The following ZP3 variants were observed in gnomAD, a reference collection of about 807,000 sequenced individuals.
The protein encoded by ZP3 is zona pellucida sperm-binding protein 3.
ZP3 carries 21 observed loss-of-function variants against 35.6 expected under a neutral mutation model. The observed-to-expected ratio is 0.59, with a 90% CI of 0.42 to 0.85. The LOEUF is 0.85. Among genes scored for constraint, ZP3 ranks in the 40% least tolerant of loss-of-function variants. ZP3 has a pLI of 0.00. For missense variants in ZP3, 437 were observed against 536.5 expected, an observed-to-expected ratio of 0.81 and a Z score of 1.83; for synonymous variants, 207 against 214.5, an observed-to-expected ratio of 0.96 and a Z score of 0.31.
chr7:76,441,149 C>A (rs1353158487), intron 7 of ZP3, among the ~76,000 whole-genome samples: 6 of 150,778 alleles, frequency 4.0e-5, no homozygotes, highest in Non-Finnish European at 8.9e-5. Context: ...CCAGCCTGGG[C>A]AACAAGAGTA....
In ZP3 at chr7:76,441,797, G is replaced by A. The variant is rs748825558; in HGVS notation, c.1061-45G>A. On this transcript the variant is annotated intron_variant, in intron 7 of 7. Coordinates refer to ENST00000394857, the MANE Select transcript of ZP3 (RefSeq NM_001110354.2). ...AATAAAACCTCCAACCCAGTTCCCGGTTAGGGACTAAGATAACCCTTGGTT... is the reference window on the plus strand; with the variant it reads ...AATAAAACCTCCAACCCAGTTCCCGATTAGGGACTAAGATAACCCTTGGTT... The A allele has an allele frequency of 2.0e-5, 32 of 1,613,782 alleles. 1 individual carries two copies. The Middle Eastern group carries it at 5.0e-4, about 25-fold the overall frequency.
chr7:76,435,501 G>C (rs543945072), intron 5 of ZP3, among the ~76,000 whole-genome samples: 1 of 152,248 alleles, frequency 6.6e-6, no homozygotes, highest in Non-Finnish European at 1.5e-5. Flanking sequence ...GTGAGGCGGT[G>C]AGCTTAGAAT....
At position 76,400,363 on chromosome 7, in the gene ZP3, G is replaced by A. The variant is rs144685336; in HGVS notation, c.-67+2566G>A. 56 of 1,582,362 alleles carry A rather than the reference G, an allele frequency of 3.5e-5. No homozygotes were observed. In the Admixed American group the frequency reaches 6.6e-4, roughly 19 times the overall value. On this transcript the variant is annotated intron_variant, in intron 1 of 8. Coordinates refer to the ZP3 transcript ENST00000336517. ...GCCGCGGCTGCCGCACTCGCTCAGC[G>A]CAGCTTCCTGCCCGCGGCACTCCAC...
chr7:76,407,244 A>G (rs1805065647), intron 1 of ZP3, among the ~76,000 whole-genome samples: 1 of 152,176 alleles, frequency 6.6e-6, no homozygotes, highest in Non-Finnish European at 1.5e-5. Context: ...TACAGGTGTG[A>G]GCCACCAGGC....
At chr7:76,397,759 C>G in exon 1 of ZP3, 1 of 1,613,032 alleles carries the variant, frequency 6.2e-7, no homozygotes, top group South Asian at 1.1e-5. Flanking sequence ...CGGTGCCCCA[C>G]AGGCCACTGT....
At position 76,442,028 on chromosome 7, in the gene ZP3, C is replaced by G. The variant is rs1806214347; in HGVS notation, c.1247C>G (p.Ala416Gly). 1.1e-6 allele frequency: 1 copy of G among 877,942 alleles called. No individual in the cohort carries two copies. Among genetic ancestry groups the G allele is most frequent in the South Asian group, 1.5e-5 (1 of 68,438 alleles). The allele number at this position is 877,942 out of a possible 1,614,324, so 54.4% of individuals were successfully genotyped here. A position where few individuals can be genotyped will look rare whatever the true frequency, so the allele number is the denominator to read the frequency against. The change falls in exon 8 of 8, where the codon GCC becomes GGC. Residue 416 changes from alanine to glycine, a missense_variant. Physicochemically the swap from Ala to Gly is moderately conservative, Grantham distance 60 (BLOSUM62 0). Around this residue, in one of 6 missense-constraint regions of ZP3, gnomAD observed 7 missense variants for 49.7 expected, o/e 0.14. Transcript: ENST00000394857. ...ILVLTRRCRT[A>G]SHPVSASE Reference sequence around the variant, plus strand: ...GTTCTCACCAGGAGGTGTCGCACTGCCTCCCACCCTGTGTCTGCTTCCGAA... The same window carrying G: ...GTTCTCACCAGGAGGTGTCGCACTGGCTCCCACCCTGTGTCTGCTTCCGAA...
intron 2 of ZP3, among the ~76,000 whole-genome samples, chr7:76,432,470 C>A (rs1170831052): frequency 1.3e-5 from 2 of 152,090 alleles, no homozygotes; most frequent in South Asian, 4.1e-4. Context: ...AGGCTTGAGC[C>A]ACCGTGCCTG....
upstream of ZP3, among the ~76,000 whole-genome samples, chr7:76,423,614 G>GA (rs1390098927): frequency 6.6e-6 from 1 of 152,092 alleles, no homozygotes; most frequent in Non-Finnish European, 1.5e-5. Context: ...TGATCACTGG[G>GA]AATGCAGGAA....
intron 5 of ZP3, among the ~76,000 whole-genome samples, chr7:76,438,761 C>CT (rs2115943741): frequency 7.4e-6 from 1 of 135,808 alleles, no homozygotes; most frequent in African/African-American, 2.9e-5. Context: ...TGAAGGGAGA[C>CT]TGACGTAGGC....
chr7:76,400,914 G>A lies in ZP3; in HGVS notation c.-67+3117G>A, dbSNP rs1804803131. ...GATGGGGGCATCTAGAGTCAAGGGG[G>A]GCTGGTTAGTCATCACTTCCTGTGG... On this transcript the variant is annotated intron_variant, in intron 1 of 8. Coordinates refer to the ZP3 transcript ENST00000336517. 6 of 1,490,718 alleles carry A rather than the reference G, an allele frequency of 4.0e-6. No individual in the cohort carries two copies. In the Admixed American group the frequency reaches 9.9e-5, roughly 25 times the overall value. 92.3% of individuals were successfully genotyped at this position (1,490,718 alleles called of 1,614,324 possible).
intron 1 of ZP3, among the ~76,000 whole-genome samples, chr7:76,405,271 T>TTTTA (rs1287607628): frequency 4.4e-3 from 40 of 9,132 alleles, no homozygotes; most frequent in East Asian, 7.8e-3. Flanking sequence ...ACCCAGCTAA[T>TTTTA]TATATATATA....
intron 1 of ZP3, among the ~76,000 whole-genome samples, chr7:76,416,023 A>C (rs1463578747): frequency 6.6e-6 from 1 of 151,862 alleles, no homozygotes; most frequent in Admixed American, 6.6e-5. Flanking sequence ...CCAGCTACTC[A>C]GGAGGCTGAG....
intron 1 of ZP3, chr7:76,401,052 G>C: frequency 6.5e-7 from 1 of 1,544,120 alleles, no homozygotes; most frequent in Admixed American, 2.0e-5. Flanking sequence ...GGCTGAAACA[G>C]AGTGAGGAAG....
At chr7:76,417,653 C>T (rs1297418301) in intron 1 of ZP3, among the ~76,000 whole-genome samples, 2 of 150,888 alleles carry the variant, frequency 1.3e-5, no homozygotes, top group Non-Finnish European at 2.9e-5. Flanking sequence ...CTCTTGTCTC[C>T]CTGGCTAGAG....
chr7:76,400,434 C>T (rs760458748), intron 1 of ZP3: 1 of 1,606,982 alleles, frequency 6.2e-7, no homozygotes, highest in Non-Finnish European at 8.5e-7. Flanking sequence ...AGGCAAGGGG[C>T]CGTGGCACGG....
intron 1 of ZP3, among the ~76,000 whole-genome samples, chr7:76,411,107 C>A (rs1216044392): frequency 6.6e-6 from 1 of 152,128 alleles, no homozygotes; most frequent in Non-Finnish European, 1.5e-5. Context: ...CTCCCTCCCT[C>A]CTCCCCTGGC....
chr7:76,424,904 C>T, upstream of ZP3: 2 of 1,430,916 alleles, frequency 1.4e-6, no homozygotes, highest in Non-Finnish European at 1.8e-6. Context: ...CAGGTGGCAG[C>T]AGCCAGCATC....
intron 5 of ZP3, among the ~76,000 whole-genome samples, chr7:76,436,267 G>A (rs1308253505): frequency 6.6e-6 from 1 of 151,940 alleles, no homozygotes; most frequent in Non-Finnish European, 1.5e-5. Context: ...GGCTGGTCTT[G>A]AATACCCGAC....
exon 1 of ZP3, chr7:76,397,725 G>T: frequency 6.2e-7 from 1 of 1,613,326 alleles, no homozygotes; most frequent in Non-Finnish European, 8.5e-7. Context: ...GCGGCATCCG[G>T]CAGCCCCCAG....
Sources: allele counts gnomAD v4.1 joint callset (sites outside exome capture counted in the v4.1 genomes callset), GRCh38; gene constraint gnomAD v4.1.1; regional missense constraint gnomAD v4.1.1; transcripts MANE v1.5; gene names NCBI Gene and HGNC (gene_info 2026-07-23, HGNC 2026-07-21).